The following MICALL1 variants were observed in gnomAD, a reference collection of about 807,000 sequenced individuals.
The protein encoded by MICALL1 is MICAL-like protein 1.
A neutral mutation model predicts 83.7 loss-of-function variants in MICALL1; 61 were observed. The ratio of observed to expected loss-of-function variants is 0.73; its 90% CI spans 0.59 to 0.90. The LOEUF is 0.90. Among genes scored for constraint, MICALL1 ranks in the 40% least tolerant of loss-of-function variants. MICALL1 has a pLI of 0.00. For synonymous variants in MICALL1, 481 were observed against 473.6 expected (o/e 1.02, Z -0.20); for missense variants, 1,066 against 1,152.0 (o/e 0.93, Z 1.08).
In MICALL1 at chr22:37,922,678, C is replaced by A. The variant is rs182328481; in HGVS notation, c.1024+252C>A. 8.3e-3 allele frequency among the ~76,000 whole-genome samples: 1,117 copies of A among 133,860 alleles called. 9 individuals carry two copies. The highest frequency in any genetic ancestry group is 0.026 in the African/African-American group (917 of 35,800). 87.8% of individuals were successfully genotyped at this position (133,860 alleles called of 152,430 possible). On this transcript the variant is annotated intron_variant, in intron 6 of 15. Transcript: ENST00000215957. ...AGGCTGGAGTGCAGTGGCTTGACCTCGGCTCACTGCAACTTCCACCTCCCG... is the reference window on the plus strand; with the variant it reads ...AGGCTGGAGTGCAGTGGCTTGACCTAGGCTCACTGCAACTTCCACCTCCCG...
chr22:37,914,427 A>T (rs1928540599), intron 3 of MICALL1, among the ~76,000 whole-genome samples: 1 of 150,542 alleles, frequency 6.6e-6, no homozygotes, highest in African/African-American at 2.4e-5. Context: ...GGGTTTCACC[A>T]TGTTGGCCAG....
rs921388144 is a variant in MICALL1 at position 37,906,461 on chromosome 22, C to T, written c.39C>T (p.Arg13=). The T allele has an allele frequency of 1.4e-5, 17 of 1,214,492 alleles. No individual in the cohort carries two copies. The African/African-American group carries it at 2.7e-4, about 19-fold the overall frequency. The allele number at this position is 1,214,492 out of a possible 1,614,324, so 75.2% of individuals were successfully genotyped here. The change falls in exon 1 of 16, where the codon CGC becomes CGT. Residue 13 remains arginine (R), a synonymous_variant. Transcript: ENST00000215957. This position sits in a 1 kb window ranked among gnomAD's most constrained non-coding sequence, Gnocchi z 4.4. ...GPRGALLAWC[R]RQCEGYRGVE... Reference sequence around the variant, plus strand: ...GGGGCGCGCTGCTGGCCTGGTGCCGCCGCCAGTGCGAGGGCTACCGCGGCG... The same window carrying T: ...GGGGCGCGCTGCTGGCCTGGTGCCGTCGCCAGTGCGAGGGCTACCGCGGCG...
intron 1 of MICALL1, among the ~76,000 whole-genome samples, chr22:37,909,200 G>T (rs1249742031): frequency 2.6e-5 from 4 of 151,334 alleles, no homozygotes; most frequent in Non-Finnish European, 5.9e-5. Flanking sequence ...TTACAGGCAC[G>T]CACCACCATG....
chr22:37,940,293 C>T (rs1424235156), intron 15 of MICALL1, among the ~76,000 whole-genome samples: 1 of 151,696 alleles, frequency 6.6e-6, no homozygotes, highest in Admixed American at 6.6e-5. Flanking sequence ...CGTGGTGGCA[C>T]CTGCCTGTAG....
chr22:37,922,577 T>C lies in MICALL1; in HGVS notation c.1024+151T>C, dbSNP rs545562901. On this transcript the variant is annotated intron_variant, in intron 6 of 15. Transcript: ENST00000215957. ...GGGCCTGCCTGTGTTTTTGAGGTTA[T>C]TATATATATATATATATATATATAT... 6.3e-4 allele frequency: 73 copies of C among 115,148 alleles called. 2 individuals carry two copies. In the South Asian group the frequency reaches 6.7e-3, roughly 11 times the overall value. 7.1% of individuals were successfully genotyped at this position (115,148 alleles called of 1,614,324 possible).
At chr22:37,913,648 G>A (rs1442954651) in intron 3 of MICALL1, among the ~76,000 whole-genome samples, 1 of 152,178 alleles carries the variant, frequency 6.6e-6, no homozygotes, top group Non-Finnish European at 1.5e-5. Flanking sequence ...CCCATGCAAG[G>A]ACCTCCCTTG....
Position 37,924,615 on chromosome 22 carries a change from T to G in MICALL1, c.1025-45T>G. 1 of 1,589,626 alleles carries G rather than the reference T, an allele frequency of 6.3e-7. No homozygotes were observed. Among genetic ancestry groups the G allele is most frequent in the Non-Finnish European group, 8.6e-7 (1 of 1,164,382 alleles). On this transcript the variant is annotated intron_variant, in intron 6 of 15. Coordinates refer to ENST00000215957, the MANE Select transcript of MICALL1 (RefSeq NM_033386.4). This position sits in a 1 kb window ranked among gnomAD's most constrained non-coding sequence, Gnocchi z 5.2. ...GTGGCTGGCTCCCTGGGTGCCCACC[T>G]CCTGCTGCCCATGAAGGCCTGGCTC...
Position 37,915,645 on chromosome 22 carries a change from CTTTTTTTTTT to C in MICALL1, c.338-2053_338-2044del, listed in dbSNP as rs34900801. Among the ~76,000 whole-genome samples, 3 of 133,148 alleles carry C rather than the reference CTTTTTTTTTT, an allele frequency of 2.3e-5. No individual in the cohort carries two copies. In the South Asian group the frequency reaches 7.2e-4, roughly 32 times the overall value. 87.4% of individuals were successfully genotyped at this position (133,148 alleles called of 152,430 possible). A position where few individuals can be genotyped will look rare whatever the true frequency, so the allele number is the denominator to read the frequency against. On this transcript the variant is annotated intron_variant, in intron 3 of 15. Transcript: ENST00000215957. Reference sequence around the variant, plus strand: ...TTTGGCACCTATTTAGATTAGTATTCTTTTTTTTTTTTTTTTTTGAGACAGAGTCTCGCTG... The same window carrying C: ...TTTGGCACCTATTTAGATTAGTATTCTTTTTTTTGAGACAGAGTCTCGCTG...
In MICALL1 at chr22:37,906,691, A is replaced by AC. The variant is rs1017133099; in HGVS notation, c.146+130dup. On this transcript the variant is annotated intron_variant, in intron 1 of 15. Transcript: ENST00000215957. This position sits in a 1 kb window ranked among gnomAD's most constrained non-coding sequence, Gnocchi z 4.4. ...GCCGCCCCCGGACACGGAGACGCCG[A>AC]CCCCCCCGACGGCCCCGGACGCCGG... 57 of 878,062 alleles carry AC rather than the reference A, an allele frequency of 6.5e-5. No individual in the cohort carries two copies. In the Middle Eastern group the frequency reaches 1.9e-3, roughly 30 times the overall value. The allele number at this position is 878,062 out of a possible 1,614,324, so 54.4% of individuals were successfully genotyped here.
chr22:37,936,984 G>A (rs886795263), intron 13 of MICALL1, 96 bp from the exon 14 acceptor site: 14 of 971,270 alleles, frequency 1.4e-5, no homozygotes, highest in African/African-American at 1.3e-4. Context: ...TTTAGCATGG[G>A]GCTGGCCTGC....
Position 37,924,643 on chromosome 22 carries a change from T to C in MICALL1, c.1025-17T>C. ...TGCTGCCCATGAAGGCCTGGCTCACTCTCCTTTCCCATCTAGGGAGACTGC... is the reference window on the plus strand; with the variant it reads ...TGCTGCCCATGAAGGCCTGGCTCACCCTCCTTTCCCATCTAGGGAGACTGC... On this transcript the variant is annotated splice_polypyrimidine_tract_variant and intron_variant, in intron 6 of 15. Transcript: ENST00000215957. The surrounding 1 kb of genome is among the most constrained non-coding windows in gnomAD (Gnocchi z 5.2). 1 of 1,606,750 alleles carries C rather than the reference T, an allele frequency of 6.2e-7. No individual in the cohort carries two copies. The highest frequency in any genetic ancestry group is 8.5e-7 in the Non-Finnish European group (1 of 1,176,014).
At chr22:37,913,155 G>A (rs1348409919) in intron 3 of MICALL1, among the ~76,000 whole-genome samples, 1 of 151,458 alleles carries the variant, frequency 6.6e-6, no homozygotes, top group African/African-American at 2.4e-5. Flanking sequence ...GTAGAGATGA[G>A]GTTTCACCAT....
intron 13 of MICALL1, among the ~76,000 whole-genome samples, chr22:37,936,848 C>T (rs1384112411): frequency 4.0e-5 from 6 of 151,680 alleles, no homozygotes; most frequent in Admixed American, 1.3e-4. Context: ...GCCAAGATCA[C>T]GCCACTGCAC....
intron 15 of MICALL1, among the ~76,000 whole-genome samples, chr22:37,938,968 C>T (rs1161692747): frequency 6.6e-6 from 1 of 152,146 alleles, no homozygotes; most frequent in African/African-American, 2.4e-5. Context: ...GTTGACCAGG[C>T]TGGTCTCGAA....
intron 5 of MICALL1, among the ~76,000 whole-genome samples, chr22:37,920,286 T>G (rs1473285240): frequency 6.6e-6 from 1 of 151,862 alleles, no homozygotes; most frequent in Non-Finnish European, 1.5e-5. Context: ...AAGAGGAAAT[T>G]GAACAGTCAA....
intron 13 of MICALL1, among the ~76,000 whole-genome samples, 191 bp downstream of exon 13, chr22:37,933,303 T>G (rs1198420086): frequency 6.6e-6 from 1 of 152,054 alleles, no homozygotes; most frequent in Non-Finnish European, 1.5e-5. Context: ...GGCAGTAAGC[T>G]GGCTGGGGCT....
intron 5 of MICALL1, among the ~76,000 whole-genome samples, chr22:37,921,495 C>T (rs1407874282): frequency 6.6e-6 from 1 of 152,132 alleles, no homozygotes; most frequent in African/African-American, 2.4e-5. Context: ...ATCTCTTGAA[C>T]CCGAGAGGCG....
At chr22:37,928,939 A>G (rs1569146167) in intron 9 of MICALL1, among the ~76,000 whole-genome samples, 1 of 152,146 alleles carries the variant, frequency 6.6e-6, no homozygotes, top group Non-Finnish European at 1.5e-5. Flanking sequence ...CCTGGCCAAC[A>G]TGGTGAAACC....
In MICALL1 at chr22:37,925,683, C is replaced by G. The variant is rs1173631732; in HGVS notation, c.1105C>G (p.Pro369Ala). Reference sequence around the variant, plus strand: ...CAGGACACCAGCCCCCAGGAAGGACCCCCCATGGATCACGCTGGTGCAGGC... The same window carrying G: ...CAGGACACCAGCCCCCAGGAAGGACGCCCCATGGATCACGCTGGTGCAGGC... ...SEGTPAPRKD[P>A]PWITLVQAEP... The change falls in exon 8 of 16, where the codon CCC becomes GCC. Residue 369 changes from proline to alanine, a missense_variant. Pro to Ala is a conservative substitution (Grantham distance 27). Transcript: ENST00000215957. 1.2e-6 allele frequency: 2 copies of G among 1,607,524 alleles called. No homozygotes were observed. Among genetic ancestry groups the G allele is most frequent in the East Asian group, 4.5e-5 (2 of 44,764 alleles).
Sources: allele counts gnomAD v4.1 joint callset (sites outside exome capture counted in the v4.1 genomes callset), GRCh38; gene constraint gnomAD v4.1.1; non-coding constraint Gnocchi (gnomAD v3.1); transcripts MANE v1.5; gene names NCBI Gene and HGNC (gene_info 2026-07-23, HGNC 2026-07-21).